GPC5: variants seen among roughly 807,000 people sequenced by gnomAD.
The protein encoded by GPC5 is glypican 5, also known as glypican-5.
A neutral mutation model predicts 53.9 loss-of-function variants in GPC5; 47 were observed. The observed-to-expected ratio is 0.87, with a 90% CI of 0.69 to 1.11. The LOEUF (loss-of-function observed/expected upper bound fraction) is 1.11, where lower values mean the gene tolerates loss of function less well. Among genes scored for constraint, GPC5 ranks in the 50% most tolerant of loss-of-function variants. The pLI is 0.00. For synonymous variants in GPC5, 286 were observed against 263.3 expected, an observed-to-expected ratio of 1.09 and a Z score of -0.84; for missense variants, 748 against 713.1, an observed-to-expected ratio of 1.05 and a Z score of -0.56.
At chr13:91,421,780 G>A (rs956320102) in intron 1 of GPC5, among the ~76,000 whole-genome samples, 1 of 152,210 alleles carries the variant, frequency 6.6e-6, no homozygotes, top group African/African-American at 2.4e-5. Context: ...GAAGCCTGTA[G>A]AGAGGGTGGG....
intron 7 of GPC5, among the ~76,000 whole-genome samples, chr13:92,843,277 A>G (rs1878494199): frequency 6.6e-6 from 1 of 152,144 alleles, no homozygotes; most frequent in African/African-American, 2.4e-5. Context: ...TTAAACAGTA[A>G]ATGCTAAACA....
chr13:92,664,528 C>A (rs926262635), intron 7 of GPC5, among the ~76,000 whole-genome samples: 1 of 151,920 alleles, frequency 6.6e-6, no homozygotes, highest in Non-Finnish European at 1.5e-5. Context: ...AGCGTATAGA[C>A]AACTTACTAA....
At chr13:91,581,782 C>A (rs1253349561) in intron 2 of GPC5, among the ~76,000 whole-genome samples, 2 of 151,916 alleles carry the variant, frequency 1.3e-5, no homozygotes, top group African/African-American at 2.4e-5. Context: ...TTTAAAATTT[C>A]TCTCTGTCTC....
intron 2 of GPC5, among the ~76,000 whole-genome samples, chr13:91,565,928 C>T (rs1235414777): frequency 6.6e-6 from 1 of 152,082 alleles, no homozygotes; most frequent in Non-Finnish European, 1.5e-5. Context: ...TTTGGTGTTC[C>T]TTATCTTGTA....
chr13:91,763,215 A>C (rs1414426395), intron 5 of GPC5, among the ~76,000 whole-genome samples: 1 of 152,152 alleles, frequency 6.6e-6, no homozygotes, highest in Non-Finnish European at 1.5e-5. Flanking sequence ...AGATTAGATG[A>C]AGGGAGATGA....
At chr13:92,433,473 C>G (rs1023309540) in intron 7 of GPC5, among the ~76,000 whole-genome samples, 2 of 152,112 alleles carry the variant, frequency 1.3e-5, no homozygotes, top group Non-Finnish European at 2.9e-5. Context: ...AATTACTGAT[C>G]TGAGAGTGGA....
At chr13:92,676,498 A>G (rs1425503307) in intron 7 of GPC5, among the ~76,000 whole-genome samples, 2 of 152,198 alleles carry the variant, frequency 1.3e-5, no homozygotes, top group East Asian at 1.9e-4. Flanking sequence ...GATTTCTTCA[A>G]ATAAAGAAAC....
chr13:92,558,250 T>C (rs968560706), intron 7 of GPC5, among the ~76,000 whole-genome samples: 3 of 152,050 alleles, frequency 2.0e-5, no homozygotes, highest in African/African-American at 7.2e-5. Flanking sequence ...TACTTCCATA[T>C]AGACTTGGAC....
intron 7 of GPC5, among the ~76,000 whole-genome samples, chr13:92,328,681 C>T (rs1259857638): frequency 6.6e-6 from 1 of 152,140 alleles, no homozygotes; most frequent in Non-Finnish European, 1.5e-5. Flanking sequence ...ATTCGCATCA[C>T]TCCATGTTCA....
chr13:92,207,119 T>A (rs577374844), intron 7 of GPC5, among the ~76,000 whole-genome samples: 5 of 152,338 alleles, frequency 3.3e-5, no homozygotes, highest in African/African-American at 9.6e-5. Context: ...TTGGAAGGGA[T>A]ATTAGGTTCA....
At chr13:92,501,403 A>G (rs1041751195) in intron 7 of GPC5, among the ~76,000 whole-genome samples, 1 of 152,190 alleles carries the variant, frequency 6.6e-6, no homozygotes. Flanking sequence ...AAGATTAACA[A>G]TAGAACCAAA....
At chr13:91,763,013 G>T (rs9523406) in intron 5 of GPC5, among the ~76,000 whole-genome samples, 61,432 of 151,822 alleles carry the variant, frequency 0.4, 13,508 homozygotes, top group East Asian at 0.87. Context: ...AGATCTCCTG[G>T]ATTATCTAAG....
chr13:92,843,561 A>G (rs1878502737), intron 7 of GPC5, among the ~76,000 whole-genome samples: 1 of 152,194 alleles, frequency 6.6e-6, no homozygotes. Flanking sequence ...TCTTAGATGG[A>G]TAGCACATAT....
chr13:91,931,033 G>T (rs2039816991), intron 6 of GPC5, among the ~76,000 whole-genome samples: 1 of 151,972 alleles, frequency 6.6e-6, no homozygotes, highest in Non-Finnish European at 1.5e-5. Flanking sequence ...GAAACCTGAA[G>T]AATTTCAATT....
At chr13:92,304,845 A>G (rs2043100689) in intron 7 of GPC5, among the ~76,000 whole-genome samples, 2 of 152,178 alleles carry the variant, frequency 1.3e-5, no homozygotes, top group South Asian at 2.1e-4. Context: ...TTGAAATAAA[A>G]TTGATTCCAA....
intron 2 of GPC5, among the ~76,000 whole-genome samples, chr13:91,493,971 T>A (rs1199883038): frequency 6.6e-6 from 1 of 152,046 alleles, no homozygotes; most frequent in Non-Finnish European, 1.5e-5. Flanking sequence ...CCTCCCTGGT[T>A]CAAGCAATTC....
chr13:92,193,915 C>A (rs2042240381), intron 7 of GPC5, among the ~76,000 whole-genome samples: 1 of 152,084 alleles, frequency 6.6e-6, no homozygotes, highest in South Asian at 2.1e-4. Flanking sequence ...TTATTTATTT[C>A]TTCTTATCCA....
intron 2 of GPC5, among the ~76,000 whole-genome samples, chr13:91,484,402 T>C (rs115543479): frequency 6.9e-4 from 105 of 152,344 alleles, no homozygotes; most frequent in African/African-American, 2.4e-3. Flanking sequence ...GAAGTCTTTA[T>C]TGAGCATATA....
At chr13:92,053,764 T>C (rs1247091283) in intron 6 of GPC5, among the ~76,000 whole-genome samples, 4 of 151,872 alleles carry the variant, frequency 2.6e-5, no homozygotes, top group Admixed American at 2.6e-4. Context: ...GGCGCGGTGG[T>C]TTACACCTGT....
Sources: allele counts gnomAD v4.1 joint callset (sites outside exome capture counted in the v4.1 genomes callset), GRCh38; gene constraint gnomAD v4.1.1; transcripts MANE v1.5; gene names NCBI Gene and HGNC (gene_info 2026-07-23, HGNC 2026-07-21).